The following TRIM64C variants were observed in gnomAD, a reference collection of about 807,000 sequenced individuals.
TRIM64C encodes tripartite motif-containing protein 64C.
Under a neutral mutation model 36.1 loss-of-function variants are expected in TRIM64C, and 25 were observed. That is an observed-to-expected ratio of 0.69 (90% CI 0.51 to 0.97). The LOEUF (loss-of-function observed/expected upper bound fraction) is 0.97, where lower values mean the gene tolerates loss of function less well. Among genes scored for constraint, TRIM64C ranks in the 50% least tolerant of loss-of-function variants. The pLI is 0.00. For missense variants in TRIM64C, 489 were observed against 536.8 expected, an observed-to-expected ratio of 0.91 and a Z score of 0.88; for synonymous variants, 212 against 185.7, an observed-to-expected ratio of 1.14 and a Z score of -1.15.
chr11:49,054,646 T>G (rs922988832), intron 5 of TRIM64C, among the ~76,000 whole-genome samples: 1 of 152,188 alleles, frequency 6.6e-6, no homozygotes, highest in Non-Finnish European at 1.5e-5. Context: ...AATTAACACA[T>G]GTAAAGTTTA....
chr11:49,056,142 CT>C (rs1305901165), intron 4 of TRIM64C, among the ~76,000 whole-genome samples: 3 of 150,322 alleles, frequency 2.0e-5, no homozygotes, highest in Non-Finnish European at 4.4e-5. Context: ...GGAGAACAAA[CT>C]TCCGAATGGC....
In TRIM64C at chr11:49,057,292, C is replaced by G; in HGVS notation, c.594G>C (p.Leu198=). Residue 198 remains leucine (L), a synonymous_variant, in exon 3 of 6, where the codon CTG becomes CTC. Transcript: ENST00000617704. The part of the protein sequence containing the change: ...IFLDEEEQRH[L]QALEREAKEL... Reference sequence around the variant, plus strand: ...CTTTTGCTTCTCTTTCCAGTGCCTGCAGATGCCGTTGCTCCTCCTCATCGA... The same window carrying G: ...CTTTTGCTTCTCTTTCCAGTGCCTGGAGATGCCGTTGCTCCTCCTCATCGA... The G allele has an allele frequency of 6.5e-7, 1 of 1,549,770 alleles. No homozygotes were observed. Among genetic ancestry groups the G allele is most frequent in the Non-Finnish European group, 8.7e-7 (1 of 1,146,964 alleles).
At chr11:49,058,520 A>G (rs1282055744) in intron 1 of TRIM64C, among the ~76,000 whole-genome samples, 181 bp downstream of exon 1, 1 of 151,900 alleles carries the variant, frequency 6.6e-6, no homozygotes, top group East Asian at 1.9e-4. Flanking sequence ...TGAAGTCTCA[A>G]CACAGCTATG....
In TRIM64C at chr11:49,059,097, G is replaced by A. The variant is rs1156762159; in HGVS notation, c.16C>T (p.Leu6=). 1.9e-6 allele frequency: 3 copies of A among 1,549,740 alleles called. No individual in the cohort carries two copies. The highest frequency in any genetic ancestry group is 1.7e-6 in the Non-Finnish European group (2 of 1,146,658). Reference sequence around the variant, plus strand: ...ATGAGCTCATTCTGGAAGACTCGCAGGGTGTCTGAATCCATGTTTCTTGAA... The same window carrying A: ...ATGAGCTCATTCTGGAAGACTCGCAAGGTGTCTGAATCCATGTTTCTTGAA... MDSDT[L]RVFQNELICC... Residue 6 remains leucine, a synonymous_variant, in exon 1 of 6, where the codon CTG becomes TTG. Transcript: ENST00000617704.
Position 49,057,342 on chromosome 11 carries a change from G to C in TRIM64C, c.544C>G (p.Gln182Glu). The change falls in exon 3 of 6, where the codon CAG becomes GAG. Residue 182 changes from glutamine to glutamate, a missense_variant. By Grantham distance (29) the Gln-to-Glu change is conservative (BLOSUM62 2). Transcript: ENST00000617704. ...VSLRKVIITI[Q>E]YQKMHIFLDE... is the part of the protein sequence containing the mutation. ...AGAAATATATGCATCTTTTGATACT[G>C]AATAGTGATTATCACCTTCCTTAAT... The C allele has an allele frequency of 6.5e-7, 1 of 1,549,686 alleles. No homozygotes were observed. Among genetic ancestry groups the C allele is most frequent in the Non-Finnish European group, 8.7e-7 (1 of 1,146,944 alleles).
chr11:49,054,426 A>G (rs1457013513), intron 5 of TRIM64C, among the ~76,000 whole-genome samples: 1 of 152,224 alleles, frequency 6.6e-6, no homozygotes, highest in Non-Finnish European at 1.5e-5. Flanking sequence ...ATGTGACCAT[A>G]TCACTGGGCA....
intron 2 of TRIM64C, 113 bp from the exon 3 acceptor site, chr11:49,057,491 G>T: frequency 9.3e-7 from 1 of 1,075,546 alleles, no homozygotes; most frequent in South Asian, 1.5e-5. Context: ...CTTCACTCTT[G>T]CAAAGAGTCT....
rs554764957 is a variant in TRIM64C, at chr11:49,057,226, G to C, written c.660C>G (p.Thr220=). ...QQLQDSQVRM[T]QHLEGMKDMY... is the part of the protein sequence containing the mutation. ...TGTCTTTCATCCCTTCTAAATGTTG[G>C]GTCATTCTCACTTGACTGTCTTGTA... The change falls in exon 3 of 6, where the codon ACC becomes ACG. Residue 220 remains threonine, a synonymous_variant. Coordinates refer to ENST00000617704, the MANE Select transcript of TRIM64C (RefSeq NM_001206631.1). 3.9e-6 allele frequency: 6 copies of C among 1,549,556 alleles called. No homozygotes were observed. In the East Asian group the frequency reaches 1.5e-4, roughly 38 times the overall value.
chr11:49,056,733 A>G (rs987622686), intron 3 of TRIM64C, among the ~76,000 whole-genome samples: 2 of 151,926 alleles, frequency 1.3e-5, no homozygotes, highest in African/African-American at 2.4e-5. Context: ...GTACATGGAC[A>G]TTGATGAGCC....
In TRIM64C at chr11:49,055,349, A is replaced by G; in HGVS notation, c.820T>C (p.Cys274Arg). The G allele has an allele frequency of 6.5e-7, 1 of 1,535,900 alleles. No homozygotes were observed. The highest frequency in any genetic ancestry group is 8.7e-7 in the Non-Finnish European group (1 of 1,146,844). ...AGCATGTCTAGGACTCCAGTTATGC[A>G]CCATGAAGTGAGCTCTGGGTTCACT... The part of the protein sequence containing the change: ...QPVNPELTSW[C>R]ITGVLDMLNN... The change falls in exon 5 of 6, where the codon TGC (cysteine) becomes CGC (arginine). Residue 274 changes from cysteine (C) to arginine (R), a missense_variant. Cys to Arg is a radical substitution (Grantham distance 180). Transcript: ENST00000617704.
intron 2 of TRIM64C, chr11:49,057,833 GT>G (rs2134722192): frequency 2.0e-6 from 1 of 511,612 alleles, no homozygotes; most frequent in Admixed American, 3.1e-5. Flanking sequence ...GTCTGAAAAG[GT>G]TTATGCCAAC....
At position 49,058,950 on chromosome 11, in the gene TRIM64C, A is replaced by T. The variant is rs1854848989; in HGVS notation, c.163T>A (p.Cys55Ser). Residue 55 changes from cysteine to serine, a missense_variant, in exon 1 of 6, where the codon TGC becomes AGC. Cys to Ser is a moderately radical substitution (Grantham distance 112). Transcript: ENST00000617704. ...EGRAPMRCPL[C>S]RKISEKPNFN... ...TTGGGCTTCTCTGAGATTTTTCTGC[A>T]CAAAGGGCAGCGCATTGGTGCTCTG... 4 of 1,551,266 alleles carry T rather than the reference A, an allele frequency of 2.6e-6. No homozygotes were observed. In the East Asian group the frequency reaches 9.8e-5, roughly 38 times the overall value.
intron 2 of TRIM64C, chr11:49,057,818 G>T (rs369141937): frequency 2.5e-5 from 13 of 517,764 alleles, no homozygotes; most frequent in African/African-American, 2.3e-4. Context: ...TGTCTCATCT[G>T]CAGTGTCTGA....
At chr11:49,057,945 A>C in intron 2 of TRIM64C, 133 bp downstream of exon 2, 2 of 627,100 alleles carry the variant, frequency 3.2e-6, no homozygotes, top group Non-Finnish European at 5.4e-6. Context: ...TTCCTATTAT[A>C]TCAATTGAAA....
chr11:49,058,211 A>T, intron 1 of TRIM64C, 39 bp from the exon 2 acceptor site: 3 of 1,297,872 alleles, frequency 2.3e-6, no homozygotes, highest in Non-Finnish European at 3.2e-6. Flanking sequence ...TGATGAAGAC[A>T]GTAGATCTTA....
Position 49,058,164 on chromosome 11 carries a change from T to C in TRIM64C, c.421A>G (p.Ile141Val), listed in dbSNP as rs1166571630. The change falls in exon 2 of 6, where the codon ATA (isoleucine) becomes GTA (valine). Residue 141 changes from isoleucine to valine, a missense_variant. Ile to Val is a conservative substitution (Grantham distance 29). Transcript: ENST00000617704. ...TTCCATAAATAGTCCATTTCCTTTA[T>C]AAGTTTCTCTTGCAAAAGAAGCAAG... ...AAEECRVQKLIKEMDYLWKIN... is the reference protein window; with the variant it reads ...AAEECRVQKLVKEMDYLWKIN... The C allele has an allele frequency of 2.0e-6, 3 of 1,522,518 alleles. No individual in the cohort carries two copies. The highest frequency in any genetic ancestry group is 4.0e-5 in the Admixed American group (2 of 50,272). The allele number at this position is 1,522,518 out of a possible 1,614,324, so 94.3% of individuals were successfully genotyped here.
chr11:49,055,158 A>T (rs907316277), intron 5 of TRIM64C, among the ~76,000 whole-genome samples, 152 bp downstream of exon 5: 3 of 152,224 alleles, frequency 2.0e-5, no homozygotes, highest in African/African-American at 7.2e-5. Context: ...TCATTGTAAT[A>T]TTACTATGCA....
In TRIM64C at chr11:49,056,341, T is replaced by G. The variant is rs765604537; in HGVS notation, c.761+18A>C. ...AACAAATTTTTCAGAAATAGCATTTTTTTTAGTGTAAACTCACCTTGCCGA... is the reference window on the plus strand; with the variant it reads ...AACAAATTTTTCAGAAATAGCATTTGTTTTAGTGTAAACTCACCTTGCCGA... On this transcript the variant is annotated intron_variant, in intron 4 of 5. Transcript: ENST00000617704. 6.5e-7 allele frequency: 1 copy of G among 1,537,404 alleles called. No homozygotes were observed. The highest frequency in any genetic ancestry group is 8.8e-7 in the Non-Finnish European group (1 of 1,136,952).
intron 1 of TRIM64C, 99 bp from the exon 2 acceptor site, chr11:49,058,271 G>A (rs1184867688): frequency 2.3e-6 from 2 of 875,296 alleles, no homozygotes; most frequent in Non-Finnish European, 3.4e-6. Flanking sequence ...CATAAATTAA[G>A]TTAGAGTGGA....
Sources: allele counts gnomAD v4.1 joint callset (sites outside exome capture counted in the v4.1 genomes callset), GRCh38; gene constraint gnomAD v4.1.1; transcripts MANE v1.5; gene names NCBI Gene and HGNC (gene_info 2026-07-23, HGNC 2026-07-21).